Variants in CSMD1 observed in about 807,000 individuals in gnomAD.
The protein encoded by CSMD1 is CUB and sushi domain-containing protein 1.
A neutral mutation model predicts 417.5 loss-of-function variants in CSMD1; 213 were observed. That is an observed-to-expected ratio of 0.51 (90% CI 0.46 to 0.57). CSMD1 has a LOEUF of 0.57. Among genes scored for constraint, CSMD1 ranks in the 20% least tolerant of loss-of-function variants. CSMD1 has a pLI of 0.00. For synonymous variants in CSMD1, 2,862 were observed against 1,736.8 expected (o/e 1.65, Z -16.11); for missense variants, 6,923 against 4,529.7 (o/e 1.53, Z -15.17).
intron 12 of CSMD1, among the ~76,000 whole-genome samples, chr8:3,446,469 C>A (rs1229926931): frequency 6.6e-6 from 1 of 152,164 alleles, no homozygotes. Flanking sequence ...GATAATGAAA[C>A]TGATGATCAG....
At chr8:4,890,254 G>A (rs1477344583) in intron 1 of CSMD1, among the ~76,000 whole-genome samples, 2 of 152,104 alleles carry the variant, frequency 1.3e-5, no homozygotes, top group Non-Finnish European at 2.9e-5. Context: ...ACGATAGAGT[G>A]GAGTGAATTT....
At chr8:4,043,810 T>C (rs1296226617) in intron 3 of CSMD1, among the ~76,000 whole-genome samples, 1 of 152,134 alleles carries the variant, frequency 6.6e-6, no homozygotes, top group Non-Finnish European at 1.5e-5. Context: ...ACCTTACACG[T>C]CTCCAAATGA....
At chr8:3,831,013 T>C (rs980102026) in intron 5 of CSMD1, among the ~76,000 whole-genome samples, 1 of 152,166 alleles carries the variant, frequency 6.6e-6, no homozygotes, top group South Asian at 2.1e-4. Flanking sequence ...TTTCTGCTTG[T>C]TGGCTCTGAA....
chr8:4,554,141 T>G (rs186818801), intron 2 of CSMD1, among the ~76,000 whole-genome samples: 4 of 152,256 alleles, frequency 2.6e-5, no homozygotes, highest in Admixed American at 2.6e-4. Context: ...CAATCGCGAT[T>G]TATTTATTTT....
At chr8:3,216,903 G>T (rs1025134728) in intron 29 of CSMD1, among the ~76,000 whole-genome samples, 5 of 152,236 alleles carry the variant, frequency 3.3e-5, no homozygotes, top group African/African-American at 1.2e-4. Flanking sequence ...ACCAGCACTT[G>T]CTCTGGGCTG....
At chr8:4,955,813 C>G (rs1198507423) in intron 1 of CSMD1, among the ~76,000 whole-genome samples, 1 of 111,480 alleles carries the variant, frequency 9.0e-6, no homozygotes, top group Non-Finnish European at 2.0e-5. Context: ...AATTGGCCAA[C>G]ATGGGAATAT....
At chr8:4,446,755 CTG>C (rs58002310) in intron 2 of CSMD1, among the ~76,000 whole-genome samples, 15,013 of 132,576 alleles carry the variant, frequency 0.11, 894 homozygotes, top group East Asian at 0.19. Context: ...GTGTGTGTGT[CTG>C]TGTGTGTGTG....
At chr8:4,920,271 G>A (rs1049345277) in intron 1 of CSMD1, among the ~76,000 whole-genome samples, 26 of 152,052 alleles carry the variant, frequency 1.7e-4, no homozygotes, top group Non-Finnish European at 2.9e-5. Context: ...CTTATGACTG[G>A]CTGAAATGAG....
intron 3 of CSMD1, among the ~76,000 whole-genome samples, chr8:4,332,944 T>TAA (rs35103998): frequency 0.011 from 1,625 of 143,672 alleles, 26 homozygotes; most frequent in African/African-American, 0.038. Flanking sequence ...TATAAAAATC[T>TAA]AAAAAAAAAA....
At chr8:4,186,889 G>A (rs1434400726) in intron 3 of CSMD1, among the ~76,000 whole-genome samples, 4 of 151,402 alleles carry the variant, frequency 2.6e-5, no homozygotes, top group South Asian at 2.1e-4. Context: ...CCAGCTACTC[G>A]GGAGGCTGAG....
At chr8:4,090,694 G>C (rs1415839990) in intron 3 of CSMD1, among the ~76,000 whole-genome samples, 1 of 152,164 alleles carries the variant, frequency 6.6e-6, no homozygotes, top group Non-Finnish European at 1.5e-5. Context: ...TTTATCTCTA[G>C]TAGGTTCTAG....
intron 5 of CSMD1, among the ~76,000 whole-genome samples, chr8:3,939,776 CA>C (rs1810752627): frequency 6.6e-6 from 1 of 152,074 alleles, no homozygotes; most frequent in Admixed American, 6.6e-5. Flanking sequence ...AATGGAAAAA[CA>C]AACGTCATAT....
intron 7 of CSMD1, among the ~76,000 whole-genome samples, chr8:3,705,700 T>C (rs1801129221): frequency 6.6e-6 from 1 of 152,148 alleles, no homozygotes; most frequent in Non-Finnish European, 1.5e-5. Context: ...ACAAAACCCT[T>C]AGTTGGGGAA....
intron 49 of CSMD1, among the ~76,000 whole-genome samples, chr8:3,078,654 T>C (rs929379290): frequency 1.3e-5 from 2 of 152,160 alleles, no homozygotes; most frequent in East Asian, 1.9e-4. Context: ...AGACAAAGAA[T>C]ATGCCACTGA....
chr8:4,152,312 C>G (rs1441710337), intron 3 of CSMD1, among the ~76,000 whole-genome samples: 2 of 152,090 alleles, frequency 1.3e-5, no homozygotes, highest in African/African-American at 2.4e-5. Flanking sequence ...TATAAATCAG[C>G]TTTTTGAATT....
intron 49 of CSMD1, among the ~76,000 whole-genome samples, chr8:3,070,766 G>C (rs1274055283): frequency 6.6e-6 from 1 of 152,126 alleles, no homozygotes; most frequent in Admixed American, 6.5e-5. Flanking sequence ...CCCAACCTCT[G>C]CCTGTTACCC....
At chr8:4,097,999 C>T (rs531903052) in intron 3 of CSMD1, among the ~76,000 whole-genome samples, 2 of 152,162 alleles carry the variant, frequency 1.3e-5, no homozygotes, top group Non-Finnish European at 2.9e-5. Context: ...TGGAAATGAA[C>T]TCTGTCAAGA....
intron 2 of CSMD1, among the ~76,000 whole-genome samples, chr8:4,436,814 C>A (rs1324724281): frequency 2.6e-5 from 4 of 152,148 alleles, no homozygotes; most frequent in African/African-American, 9.7e-5. Context: ...ACAATGATCT[C>A]CAGCTCTAGC....
intron 8 of CSMD1, among the ~76,000 whole-genome samples, chr8:3,612,474 A>C (rs1801942259): frequency 6.6e-6 from 1 of 152,138 alleles, no homozygotes; most frequent in East Asian, 1.9e-4. Flanking sequence ...ACATTTATGG[A>C]ACACTTCACC....
Sources: gnomAD v4.1 joint callset for allele counts (sites outside exome capture counted in the v4.1 genomes callset) on GRCh38, gnomAD v4.1.1 for gene constraint, MANE v1.5 for transcripts, NCBI Gene and HGNC (gene_info 2026-07-23, HGNC 2026-07-21) for gene names.